The following DLG2 variants were observed in gnomAD, a reference collection of about 807,000 sequenced individuals.
DLG2 encodes the protein discs large MAGUK scaffold protein 2.
DLG2 carries 45 observed loss-of-function variants against 132.5 expected under a neutral mutation model. The observed-to-expected ratio is 0.34, with a 90% CI of 0.27 to 0.44. The LOEUF is 0.44. Ranked by LOEUF, DLG2 falls within the 20% of genes least tolerant of loss-of-function variation. The pLI is 1.00. For missense variants in DLG2, 1,045 were observed against 1,196.9 expected (o/e 0.87, Z 1.87); for synonymous variants, 424 against 419.6 (o/e 1.01, Z -0.13).
rs114465939 is a variant in DLG2, at chr11:83,782,407, C to T, written c.1825+4283G>A. On this transcript the variant is annotated intron_variant, in intron 18 of 27. Coordinates refer to ENST00000376104, the MANE Select transcript of DLG2 (RefSeq NM_001142699.3). ...GTGACAGAAGGGTCTATCACAGCTC[C>T]TAGTGCTGTCTAGGAGCTCACTCGA... 7.2e-3 allele frequency among the ~76,000 whole-genome samples: 1,099 copies of T among 152,270 alleles called. 17 individuals carry two copies. The highest frequency in any genetic ancestry group is 0.025 in the African/African-American group (1,057 of 41,548).
At chr11:85,182,802 A>G (rs1051948673) in intron 4 of DLG2, among the ~76,000 whole-genome samples, 4 of 150,718 alleles carry the variant, frequency 2.7e-5, no homozygotes, top group South Asian at 4.2e-4. Context: ...AAAAGAAAAA[A>G]AAGGGGAGGC....
At chr11:84,974,674 T>C (rs1371117530) in intron 6 of DLG2, among the ~76,000 whole-genome samples, 1 of 152,194 alleles carries the variant, frequency 6.6e-6, no homozygotes, top group Admixed American at 6.5e-5. Context: ...CCCCACTGTG[T>C]CTAGTTCTTC....
chr11:84,677,427 AG>A lies in DLG2; in HGVS notation c.358-142697del, dbSNP rs200930311. Among the ~76,000 whole-genome samples the A allele has an allele frequency of 1.0e-3, 154 of 152,220 alleles. 4 individuals carry two copies. The East Asian group carries it at 0.028, about 28-fold the overall frequency. ...TGAAGACATCATTATAAGAAATAGTAGGAAAAAAACCATATTTCTCTAGTGA... is the reference window on the plus strand; with the variant it reads ...TGAAGACATCATTATAAGAAATAGTAGAAAAAAACCATATTTCTCTAGTGA... On this transcript the variant is annotated intron_variant, in intron 6 of 27. Coordinates refer to ENST00000376104, the MANE Select transcript of DLG2 (RefSeq NM_001142699.3).
At chr11:84,496,587 A>G (rs1262074081) in intron 7 of DLG2, among the ~76,000 whole-genome samples, 1 of 152,160 alleles carries the variant, frequency 6.6e-6, no homozygotes, top group African/African-American at 2.4e-5. Context: ...GAACATTTTT[A>G]TTCAGCAACT....
At chr11:84,566,412 G>T (rs552378647) in intron 6 of DLG2, among the ~76,000 whole-genome samples, 48 of 152,128 alleles carry the variant, frequency 3.2e-4, no homozygotes, top group African/African-American at 9.4e-4. Flanking sequence ...ATAAATCAGG[G>T]TAAAAAAAGT....
intron 7 of DLG2, among the ~76,000 whole-genome samples, chr11:84,507,725 A>G (rs2099245586): frequency 2.0e-5 from 3 of 152,296 alleles, no homozygotes; most frequent in Admixed American, 2.0e-4. Context: ...GTCTATTGAG[A>G]TGATCATAAG....
intron 15 of DLG2, among the ~76,000 whole-genome samples, chr11:83,907,909 C>T (rs567235767): frequency 6.6e-5 from 10 of 152,164 alleles, no homozygotes; most frequent in Non-Finnish European, 8.8e-5. Context: ...CTCCACTCTC[C>T]GTTCCCAAGG....
In DLG2 at chr11:85,552,425, C is replaced by A. The variant is rs776106801; in HGVS notation, c.40+46232G>T. The stretch of plus-strand genomic sequence containing the variant: ...TTACAAATCACCTGAGGACTTTTCA[C>A]TTACCAAAAGGGAGTATCAGTAGAC... On this transcript the variant is annotated intron_variant, in intron 3 of 27. Transcript: ENST00000376104. 1.8e-4 allele frequency among the ~76,000 whole-genome samples: 28 copies of A among 151,542 alleles called. 1 individual carries two copies. The highest frequency in any genetic ancestry group is 1.8e-3 in the Admixed American group (27 of 15,180).
downstream of DLG2, chr11:83,455,034 TTTAATA>T (rs2088708961): frequency 6.6e-6 from 1 of 152,648 alleles, no homozygotes; most frequent in African/African-American, 2.4e-5. Context: ...TATAAAATGT[TTTAATA>T]TTTATATCTT....
intron 15 of DLG2, among the ~76,000 whole-genome samples, chr11:83,913,572 A>C (rs536060000): frequency 6.6e-6 from 1 of 152,230 alleles, no homozygotes; most frequent in Non-Finnish European, 1.5e-5. Context: ...AGGTCCCCTC[A>C]CCCATGCTGA....
chr11:83,977,040 G>A (rs2092318661), intron 12 of DLG2, among the ~76,000 whole-genome samples: 1 of 151,958 alleles, frequency 6.6e-6, no homozygotes, highest in South Asian at 2.1e-4. Flanking sequence ...CTTTTCAGAA[G>A]CTAGTAGTAA....
intron 7 of DLG2, chr11:84,316,877 C>T: frequency 6.2e-7 from 1 of 1,612,860 alleles, no homozygotes; most frequent in Non-Finnish European, 8.5e-7. Flanking sequence ...CCCACAAGTC[C>T]CTTTGCCCTT....
chr11:85,579,758 C>T (rs1169526532), intron 3 of DLG2, among the ~76,000 whole-genome samples: 1 of 152,108 alleles, frequency 6.6e-6, no homozygotes, highest in African/African-American at 2.4e-5. Flanking sequence ...GCAGTCTCAG[C>T]TCACTGTAAC....
intron 4 of DLG2, among the ~76,000 whole-genome samples, chr11:85,232,027 T>C (rs1210876005): frequency 2.0e-5 from 3 of 151,838 alleles, no homozygotes; most frequent in Admixed American, 1.3e-4. Context: ...CTCTCATATC[T>C]AGTATCTTAC....
chr11:84,528,599 A>T (rs2099328112), intron 7 of DLG2, among the ~76,000 whole-genome samples: 4 of 152,170 alleles, frequency 2.6e-5, no homozygotes, highest in Admixed American at 2.6e-4. Context: ...CTAGAGTCAC[A>T]TTGTTTTCTC....
intron 18 of DLG2, among the ~76,000 whole-genome samples, chr11:83,690,687 T>TGGGGGGGGGGGGGG (rs565253053): frequency 9.0e-5 from 4 of 44,276 alleles, no homozygotes; most frequent in South Asian, 6.7e-4. Context: ...TGGGTGGGGG[T>TGGGGGGGGGGGGGG]GGGGGGGGTG....
intron 19 of DLG2, among the ~76,000 whole-genome samples, chr11:83,600,821 A>G (rs1489589423): frequency 6.6e-6 from 1 of 152,238 alleles, no homozygotes. Flanking sequence ...AGAGGCTGCA[A>G]ACAGACTTTG....
chr11:85,058,528 T>C (rs2063698433), intron 6 of DLG2, among the ~76,000 whole-genome samples: 1 of 151,478 alleles, frequency 6.6e-6, no homozygotes, highest in Non-Finnish European at 1.5e-5. Context: ...TCTGTGGAAA[T>C]TGACAAGTTG....
rs570293831 is a variant in DLG2 at position 85,389,538 on chromosome 11, TCA to T, written c.41-104175_41-104174del. Among the ~76,000 whole-genome samples, 37 of 152,174 alleles carry T rather than the reference TCA, an allele frequency of 2.4e-4. No individual in the cohort carries two copies. In the South Asian group the frequency reaches 7.5e-3, roughly 31 times the overall value. On this transcript the variant is annotated intron_variant, in intron 3 of 27. Transcript: ENST00000376104. Reference sequence around the variant, plus strand: ...TAGGAAATTAATTGCAAAAAGAGCATCACACAGGCACACAGTCATCAGGTTAT... The same window carrying T: ...TAGGAAATTAATTGCAAAAAGAGCATCACAGGCACACAGTCATCAGGTTAT...
Sources: gnomAD v4.1 joint callset for allele counts (sites outside exome capture counted in the v4.1 genomes callset) on GRCh38, gnomAD v4.1.1 for gene constraint, MANE v1.5 for transcripts, NCBI Gene and HGNC (gene_info 2026-07-23, HGNC 2026-07-21) for gene names.